PCLO: variants seen among roughly 807,000 people sequenced by gnomAD.
PCLO encodes the protein piccolo presynaptic cytomatrix protein.
A neutral mutation model predicts 427.5 loss-of-function variants in PCLO; 82 were observed. The ratio of observed to expected loss-of-function variants is 0.19; its 90% CI spans 0.16 to 0.23. PCLO has a LOEUF of 0.23. PCLO is among the 10% of genes least tolerant of loss of function. PCLO has a pLI of 1.00. For synonymous variants in PCLO, 2,357 were observed against 2,155.4 expected, an observed-to-expected ratio of 1.09 and a Z score of -2.59; for missense variants, 6,239 against 6,115.9, an observed-to-expected ratio of 1.02 and a Z score of -0.67.
At chr7:83,050,628 G>A (rs528609036) in intron 3 of PCLO, among the ~76,000 whole-genome samples, 1 of 151,922 alleles carries the variant, frequency 6.6e-6, no homozygotes, top group African/African-American at 2.4e-5. Flanking sequence ...TGCAAAGCTG[G>A]GTTAACATTT....
At chr7:82,817,514 C>G (rs953018578) in intron 20 of PCLO, among the ~76,000 whole-genome samples, 2 of 152,126 alleles carry the variant, frequency 1.3e-5, no homozygotes, top group African/African-American at 4.8e-5. Context: ...CCTCCACTCC[C>G]AGTCCCACCC....
intron 2 of PCLO, among the ~76,000 whole-genome samples, chr7:83,148,600 T>C (rs1792053794): frequency 6.6e-6 from 1 of 152,184 alleles, no homozygotes; most frequent in South Asian, 2.1e-4. Context: ...GTTCCTTTTT[T>C]TTTACCCTCA....
At chr7:82,799,060 T>C (rs955753309) in intron 22 of PCLO, among the ~76,000 whole-genome samples, 12 of 152,172 alleles carry the variant, frequency 7.9e-5, no homozygotes, top group Middle Eastern at 3.2e-3. Flanking sequence ...GAAAGCAGTA[T>C]TAGGATGAAT....
At chr7:82,963,284 C>G (rs1795693115) in intron 4 of PCLO, among the ~76,000 whole-genome samples, 2 of 151,934 alleles carry the variant, frequency 1.3e-5, no homozygotes, top group South Asian at 4.1e-4. Context: ...TGTTTAAAAA[C>G]CTTCTAGACA....
chr7:82,805,976 T>C, intron 20 of PCLO, 147 bp from the exon 21 acceptor site: 1 of 702,796 alleles, frequency 1.4e-6, no homozygotes, highest in Admixed American at 2.8e-5. Context: ...CCTTTTCGTT[T>C]CCTTTACTGA....
chr7:83,048,545 A>G (rs536480020), intron 3 of PCLO, among the ~76,000 whole-genome samples: 1 of 152,202 alleles, frequency 6.6e-6, no homozygotes, highest in Non-Finnish European at 1.5e-5. Flanking sequence ...AGATCAGGCA[A>G]TTACAATATT....
At chr7:83,103,510 T>C (rs1203522894) in intron 3 of PCLO, among the ~76,000 whole-genome samples, 2 of 151,934 alleles carry the variant, frequency 1.3e-5, no homozygotes, top group African/African-American at 4.8e-5. Flanking sequence ...CAAAAATCAC[T>C]ATGTATTCCA....
rs746054139 is a variant in PCLO, at chr7:83,134,242, T to TATATATATATATATATATATAA, written c.3300+7_3300+8insTTATATATATATATATATATAT. ...TAATATATATATATATATATATATA[T>TATATATATATATATATATATAA]AACTTACCTCAGTCAAATGTGGTGT... is the stretch of plus-strand genomic sequence containing the variant. On this transcript the variant is annotated splice_region_variant and intron_variant, in intron 3 of 24. Transcript: ENST00000333891. 9.0e-4 allele frequency: 964 copies of TATATATATATATATATATATAA among 1,067,342 alleles called. 9 individuals are homozygous for TATATATATATATATATATATAA. The highest frequency in any genetic ancestry group is 6.3e-3 in the East Asian group (197 of 31,514). The allele number at this position is 1,067,342 out of a possible 1,614,324, so 66.1% of individuals were successfully genotyped here. A position where few individuals can be genotyped will look rare whatever the true frequency, so the allele number is the denominator to read the frequency against.
At chr7:83,014,746 C>T (rs913279047) in intron 3 of PCLO, among the ~76,000 whole-genome samples, 8 of 152,052 alleles carry the variant, frequency 5.3e-5, no homozygotes, top group Non-Finnish European at 1.0e-4. Flanking sequence ...GCTACCTTTC[C>T]CTAAAGGCAG....
intron 13 of PCLO, among the ~76,000 whole-genome samples, chr7:82,844,358 A>G (rs1792445414): frequency 2.0e-5 from 3 of 152,166 alleles, no homozygotes; most frequent in Admixed American, 1.3e-4. Flanking sequence ...GCTTTTCTAT[A>G]TTTAGTTTCA....
rs532287674 is a variant in PCLO at position 83,136,297 on chromosome 7, G to GT, written c.1894-642dup. Among the ~76,000 whole-genome samples, 23 of 151,856 alleles carry GT rather than the reference G, an allele frequency of 1.5e-4. No homozygotes were observed. The South Asian group carries it at 3.5e-3, about 23-fold the overall frequency. On this transcript the variant is annotated intron_variant, in intron 2 of 24. Transcript: ENST00000333891. ...ATTTAAGAAAAAGCAAGTTTTATGT[G>GT]TTTTTTTAACAAGCTTTCACAAAAT...
chr7:82,869,593 A>T (rs558418088), intron 10 of PCLO, among the ~76,000 whole-genome samples: 1 of 152,202 alleles, frequency 6.6e-6, no homozygotes, highest in East Asian at 1.9e-4. Context: ...TTTAATATAA[A>T]GATGTTACAA....
intron 3 of PCLO, among the ~76,000 whole-genome samples, chr7:83,005,022 T>C (rs913238781): frequency 2.0e-5 from 3 of 151,466 alleles, no homozygotes; most frequent in African/African-American, 7.3e-5. Flanking sequence ...AGTCATATAA[T>C]AAGTGTTGGA....
At chr7:83,011,201 C>T (rs1448248971) in intron 3 of PCLO, among the ~76,000 whole-genome samples, 1 of 151,888 alleles carries the variant, frequency 6.6e-6, no homozygotes, top group Non-Finnish European at 1.5e-5. Context: ...CTCAAAACTA[C>T]CATGTGAAAT....
chr7:82,795,853 G>T (rs1303067172), intron 22 of PCLO, among the ~76,000 whole-genome samples: 1 of 151,856 alleles, frequency 6.6e-6, no homozygotes. Flanking sequence ...AATATTCTTG[G>T]CTTATATTCG....
chr7:83,063,857 T>A (rs559693535), intron 3 of PCLO, among the ~76,000 whole-genome samples: 1 of 152,250 alleles, frequency 6.6e-6, no homozygotes, highest in African/African-American at 2.4e-5. Context: ...GTGATGTTCC[T>A]CTCATTAAAA....
At chr7:83,153,480 T>C (rs1792188979) in intron 2 of PCLO, among the ~76,000 whole-genome samples, 1 of 152,178 alleles carries the variant, frequency 6.6e-6, no homozygotes, top group Non-Finnish European at 1.5e-5. Flanking sequence ...TTATTGTTAT[T>C]ATCATGATAG....
intron 10 of PCLO, among the ~76,000 whole-genome samples, chr7:82,859,934 G>T (rs1392709481): frequency 1.3e-5 from 2 of 152,012 alleles, no homozygotes; most frequent in Non-Finnish European, 2.9e-5. Flanking sequence ...AGATGCAACT[G>T]AATAATGCAT....
intron 9 of PCLO, among the ~76,000 whole-genome samples, chr7:82,890,505 T>C (rs1473966224): frequency 2.0e-5 from 3 of 151,962 alleles, no homozygotes; most frequent in South Asian, 2.1e-4. Context: ...TTTTTTATAG[T>C]AGGAGATAGC....
Sources: gnomAD v4.1 joint callset for allele counts (sites outside exome capture counted in the v4.1 genomes callset) on GRCh38, gnomAD v4.1.1 for gene constraint, MANE v1.5 for transcripts, NCBI Gene and HGNC (gene_info 2026-07-23, HGNC 2026-07-21) for gene names.